The following TNRC6A variants were observed in gnomAD, a reference collection of about 807,000 sequenced individuals.
The protein encoded by TNRC6A is trinucleotide repeat-containing gene 6A protein.
Under a neutral mutation model 221.2 loss-of-function variants are expected in TNRC6A, and 44 were observed. That is an observed-to-expected ratio of 0.20 (90% CI 0.16 to 0.26). The LOEUF is 0.26. Among genes scored for constraint, TNRC6A ranks in the 10% least tolerant of loss-of-function variants. The pLI, the probability that TNRC6A is intolerant of heterozygous loss-of-function variation, is 1.00. For missense variants in TNRC6A, 2,199 were observed against 2,404.4 expected (o/e 0.91, Z 1.79); for synonymous variants, 847 against 838.5 (o/e 1.01, Z -0.18).
At position 24,750,666 on chromosome 16, in the gene TNRC6A, C is replaced by T. The variant is rs2057115520; in HGVS notation, c.54-60C>T. The T allele has an allele frequency of 3.5e-6, 5 of 1,433,304 alleles. No individual in the cohort carries two copies. The South Asian group carries it at 7.0e-5, about 20-fold the overall frequency. 88.8% of individuals were successfully genotyped at this position (1,433,304 alleles called of 1,614,324 possible). On this transcript the variant is annotated intron_variant, in intron 2 of 24. Coordinates refer to ENST00000395799, the MANE Select transcript of TNRC6A (RefSeq NM_014494.4). The stretch of plus-strand genomic sequence containing the variant: ...GAAAAAGTGAAAATGAATCTGTATG[C>T]AACATTATTTTTATTTCTTAATACA...
intron 4 of TNRC6A, among the ~76,000 whole-genome samples, chr16:24,768,498 C>G (rs995560656): frequency 6.6e-6 from 1 of 150,676 alleles, no homozygotes; most frequent in Non-Finnish European, 1.5e-5. Flanking sequence ...TTTGTTGTTG[C>G]TCTTACTTGA....
chr16:24,667,730 C>T (rs1262552042), intron 2 of TNRC6A, among the ~76,000 whole-genome samples: 1 of 152,170 alleles, frequency 6.6e-6, no homozygotes, highest in Non-Finnish European at 1.5e-5. Flanking sequence ...GTTGTCATAT[C>T]GTTCCACTGT....
At chr16:24,643,110 A>ATTTT (rs1406737326) in intron 2 of TNRC6A, among the ~76,000 whole-genome samples, 25 of 56,800 alleles carry the variant, frequency 4.4e-4, no homozygotes, top group Admixed American at 1.2e-3. Context: ...ATATATATAA[A>ATTTT]ATATATATAT....
intron 15 of TNRC6A, 39 bp from the exon 16 acceptor site, chr16:24,806,167 G>T (rs2058427469): frequency 6.2e-7 from 1 of 1,608,230 alleles, no homozygotes; most frequent in Admixed American, 1.7e-5. Context: ...ACTTTGTAAT[G>T]GTGTGATAGT....
intron 4 of TNRC6A, among the ~76,000 whole-genome samples, chr16:24,768,825 T>C (rs2057530775): frequency 6.6e-6 from 1 of 152,218 alleles, no homozygotes; most frequent in Non-Finnish European, 1.5e-5. Flanking sequence ...AAAACTATTA[T>C]ACAAAGTTAA....
At chr16:24,736,177 TAATC>T (rs535086136) in intron 2 of TNRC6A, among the ~76,000 whole-genome samples, 181 of 152,302 alleles carry the variant, frequency 1.2e-3, no homozygotes, top group African/African-American at 3.5e-3. Context: ...CTCAAATAAA[TAATC>T]AATCATTCTA....
At chr16:24,822,215 G>C (rs1312875846) in intron 23 of TNRC6A, 68 bp downstream of exon 23, 6 of 1,507,896 alleles carry the variant, frequency 4.0e-6, no homozygotes, top group Non-Finnish European at 5.5e-6. Context: ...GTTCGGGTCT[G>C]TATGTGAGAC....
chr16:24,781,460 C>T (rs2057844472), intron 5 of TNRC6A, among the ~76,000 whole-genome samples: 1 of 152,182 alleles, frequency 6.6e-6, no homozygotes. Context: ...TGTATTACAT[C>T]AGTCTCTCAT....
intron 2 of TNRC6A, among the ~76,000 whole-genome samples, chr16:24,745,807 C>T (rs2056996610): frequency 1.6e-5 from 2 of 123,012 alleles, no homozygotes; most frequent in South Asian, 2.6e-4. Flanking sequence ...CCCCCCCCCC[C>T]CAGCTAATTG....
Position 24,729,815 on chromosome 16 carries a change from C to T in TNRC6A, c.-27C>T. ...AGGCTCGCGAGCCTCCTTCGCCGCGCCCCACTTGCTCGTGCACTTTACACA... is the reference window on the plus strand; with the variant it reads ...AGGCTCGCGAGCCTCCTTCGCCGCGTCCCACTTGCTCGTGCACTTTACACA... On this transcript the variant is annotated 5_prime_UTR_variant, in exon 1 of 25. Coordinates refer to ENST00000395799, the MANE Select transcript of TNRC6A (RefSeq NM_014494.4). 1.4e-6 allele frequency: 2 copies of T among 1,409,614 alleles called. No individual in the cohort carries two copies. The highest frequency in any genetic ancestry group is 1.9e-6 in the Non-Finnish European group (2 of 1,074,242). 87.3% of individuals were successfully genotyped at this position (1,409,614 alleles called of 1,614,324 possible). A position where few individuals can be genotyped will look rare whatever the true frequency, so the allele number is the denominator to read the frequency against.
chr16:24,664,712 A>C (rs1057203218), intron 2 of TNRC6A: 1 of 147,318 alleles, frequency 6.8e-6, no homozygotes, highest in African/African-American at 2.5e-5. Context: ...ATAAAAAATA[A>C]AGTAGGGAGA....
At chr16:24,712,243 G>C (rs1032113398) in intron 2 of TNRC6A, among the ~76,000 whole-genome samples, 1 of 152,108 alleles carries the variant, frequency 6.6e-6, no homozygotes, top group Admixed American at 6.6e-5. Flanking sequence ...AACCTCAAGC[G>C]ATCCTCCTGC....
intron 1 of TNRC6A, among the ~76,000 whole-genome samples, chr16:24,639,139 G>A (rs1417672623): frequency 3.3e-5 from 5 of 152,162 alleles, no homozygotes; most frequent in South Asian, 4.1e-4. Flanking sequence ...AAGAGAGGAC[G>A]TACATAGGGT....
chr16:24,727,714 G>T (rs150015757), upstream of TNRC6A, among the ~76,000 whole-genome samples: 235 of 152,150 alleles, frequency 1.5e-3, 2 homozygotes, highest in African/African-American at 5.4e-3. Flanking sequence ...CCTAAACCTG[G>T]TATGAAAGCA....
chr16:24,712,909 G>GTGTGTGTGTGTGTA (rs1487570994), intron 2 of TNRC6A, among the ~76,000 whole-genome samples: 2,133 of 12,920 alleles, frequency 0.17, 177 homozygotes, highest in South Asian at 0.44. Flanking sequence ...ATGTGCCACT[G>GTGTGTGTGTGTGTA]TGTGTGTGTG....
At chr16:24,696,927 C>T (rs906295041) in intron 2 of TNRC6A, among the ~76,000 whole-genome samples, 2 of 151,778 alleles carry the variant, frequency 1.3e-5, no homozygotes, top group African/African-American at 4.8e-5. Flanking sequence ...CATTTTGTGG[C>T]CAAGAATATC....
chr16:24,789,348 A>G lies in TNRC6A; in HGVS notation c.706A>G (p.Lys236Glu), dbSNP rs2058044090. The part of the protein sequence containing the change: ...KNAVVSDLSE[K>E]EAWPSAPGSD... The stretch of plus-strand genomic sequence containing the variant: ...TGCTGTTGTAAGTGACTTGTCGGAA[A>G]AAGAAGCATGGCCCTCAGCCCCTGG... The change falls in exon 6 of 25, where the codon AAA (lysine) becomes GAA (glutamate). Residue 236 changes from lysine (K) to glutamate (E), a missense_variant. Coordinates refer to ENST00000395799, the MANE Select transcript of TNRC6A (RefSeq NM_014494.4). The G allele has an allele frequency of 6.2e-7, 1 of 1,614,232 alleles. No homozygotes were observed. Among genetic ancestry groups the G allele is most frequent in the Non-Finnish European group, 8.5e-7 (1 of 1,180,042 alleles).
chr16:24,685,043 T>A (rs2055599893), intron 2 of TNRC6A, among the ~76,000 whole-genome samples: 1 of 152,130 alleles, frequency 6.6e-6, no homozygotes, highest in South Asian at 2.1e-4. Context: ...CTTCTTGCAG[T>A]TCTTCCAAGA....
chr16:24,757,295 G>GA (rs72532672), intron 3 of TNRC6A, among the ~76,000 whole-genome samples: 1 of 50,316 alleles, frequency 2.0e-5, no homozygotes, highest in Non-Finnish European at 3.4e-5. Context: ...TCAATATTAG[G>GA]GAGTTACTAT....
Sources: allele counts gnomAD v4.1 joint callset (sites outside exome capture counted in the v4.1 genomes callset), GRCh38; gene constraint gnomAD v4.1.1; transcripts MANE v1.5; gene names NCBI Gene and HGNC (gene_info 2026-07-23, HGNC 2026-07-21).